The following MED26 variants were observed in gnomAD, a reference collection of about 807,000 sequenced individuals.
MED26 encodes mediator complex subunit 26.
In MED26, 7 loss-of-function variants were observed where a neutral mutation model predicts 43.7. The observed-to-expected ratio is 0.16, with a 90% confidence interval of 0.09 to 0.30. MED26 has a LOEUF of 0.30. Ranked by LOEUF, MED26 falls within the 10% of genes least tolerant of loss-of-function variation. MED26 has a pLI of 1.00. For missense variants in MED26, 784 were observed against 840.6 expected (o/e 0.93, Z 0.83); for synonymous variants, 375 against 371.1 (o/e 1.01, Z -0.12).
At position 16,577,636 on chromosome 19, in the gene MED26, T is replaced by C; in HGVS notation, c.194A>G (p.Lys65Arg). 1.3e-6 allele frequency: 2 copies of C among 1,589,180 alleles called. No individual in the cohort carries two copies. The highest frequency in any genetic ancestry group is 1.7e-6 in the Non-Finnish European group (2 of 1,164,776). The stretch of plus-strand genomic sequence containing the variant: ...GGCCCGCTTGGCGAGCTCCTCGTTC[T>C]TGGTTTTCTTGCGGACGTCGTTGAT... ...KLINDVRKKT[K>R]NEELAKRAKK... Residue 65 changes from lysine to arginine, a missense_variant, in exon 3 of 3, where the codon AAG (lysine) becomes AGG (arginine). By Grantham distance (26) the Lys-to-Arg change is conservative. Transcript: ENST00000263390. This position sits in a 1 kb window ranked among gnomAD's most constrained non-coding sequence, Gnocchi z 8.1.
chr19:16,624,592 G>A (rs966055380), intron 1 of MED26: 3 of 152,208 alleles, frequency 2.0e-5, no homozygotes, highest in Admixed American at 6.5e-5. Flanking sequence ...TCTACTATTC[G>A]TCGGACCTTT....
Position 16,576,301 on chromosome 19 carries a change from A to T in MED26, c.1529T>A (p.Phe510Tyr), listed in dbSNP as rs1260241624. 1.9e-6 allele frequency: 3 copies of T among 1,612,632 alleles called. No homozygotes were observed. The Admixed American group carries it at 5.0e-5, about 27-fold the overall frequency. Residue 510 changes from phenylalanine (F) to tyrosine (Y), a missense_variant, in exon 3 of 3, where the codon TTC (phenylalanine) becomes TAC (tyrosine). Physicochemically the swap from Phe to Tyr is conservative, Grantham distance 22. Transcript: ENST00000263390. This position sits in a 1 kb window ranked among gnomAD's most constrained non-coding sequence, Gnocchi z 6.8. ...CTCCTGCTTCAGGTACTCAGACATGAAGTGGTGAGCCCCTGGGGTCTGCGC... is the reference window on the plus strand; with the variant it reads ...CTCCTGCTTCAGGTACTCAGACATGTAGTGGTGAGCCCCTGGGGTCTGCGC... ...SGAQTPGAHH[F>Y]MSEYLKQEES...
At chr19:16,583,006 T>A (rs79227300) in intron 1 of MED26, among the ~76,000 whole-genome samples, 7,920 of 152,302 alleles carry the variant, frequency 0.052, 286 homozygotes, top group Non-Finnish European at 0.063. Context: ...TGGGATGCCC[T>A]TGGCACCTGT....
chr19:16,616,284 C>T (rs1439502148), intron 1 of MED26, among the ~76,000 whole-genome samples: 1 of 152,228 alleles, frequency 6.6e-6, no homozygotes, highest in Non-Finnish European at 1.5e-5. Flanking sequence ...GCAAACCTAA[C>T]CTTGTCGAAG....
At position 16,577,882 on chromosome 19, in the gene MED26, C is replaced by A. The variant is rs1016304107; in HGVS notation, c.148-200G>T. ...TAAATTCTCAAACCTAGTTCCCAGA[C>A]CTTCAGGGTCCCAGGTGGCTTCTCA... is the stretch of plus-strand genomic sequence containing the variant. On this transcript the variant is annotated intron_variant, in intron 2 of 2. Coordinates refer to ENST00000263390, the MANE Select transcript of MED26 (RefSeq NM_004831.5). This position sits in a 1 kb window ranked among gnomAD's most constrained non-coding sequence, Gnocchi z 8.1. The A allele has an allele frequency of 9.5e-6, 5 of 524,884 alleles. No homozygotes were observed. The highest frequency in any genetic ancestry group is 2.0e-5 in the African/African-American group (1 of 50,738). The allele number at this position is 524,884 out of a possible 1,614,324, so 32.5% of individuals were successfully genotyped here.
chr19:16,619,513 T>C (rs2086241899), intron 1 of MED26, among the ~76,000 whole-genome samples: 1 of 152,198 alleles, frequency 6.6e-6, no homozygotes, highest in Non-Finnish European at 1.5e-5. Context: ...TTAAACCCAG[T>C]GTGTGCAGGG....
At position 16,576,186 on chromosome 19, in the gene MED26, T is replaced by C. The variant is rs2085997387; in HGVS notation, c.1644A>G (p.Thr548=). 1 of 1,613,214 alleles carries C rather than the reference T, an allele frequency of 6.2e-7. No homozygotes were observed. Among genetic ancestry groups the C allele is most frequent in the Non-Finnish European group, 8.5e-7 (1 of 1,180,006 alleles). ...TDLPGLTREV[T]QDDLDRIQAS... ...CCTGGATTCTGTCGAGATCGTCCTG[T>C]GTGACCTCCCGGGTCAGACCAGGGA... The change falls in exon 3 of 3, where the codon ACA becomes ACG. Residue 548 remains threonine, a synonymous_variant. Coordinates refer to ENST00000263390, the MANE Select transcript of MED26 (RefSeq NM_004831.5). The surrounding 1 kb of genome is among the most constrained non-coding windows in gnomAD (Gnocchi z 6.8).
rs887972761 is a variant in MED26 at position 16,577,003 on chromosome 19, C to G, written c.827G>C (p.Arg276Pro). 1 of 1,607,828 alleles carries G rather than the reference C, an allele frequency of 6.2e-7. No homozygotes were observed. Among genetic ancestry groups the G allele is most frequent in the South Asian group, 1.1e-5 (1 of 90,624 alleles). The change falls in exon 3 of 3, where the codon CGG becomes CCG. Residue 276 changes from arginine to proline, a missense_variant. Physicochemically the swap from Arg to Pro is moderately radical, Grantham distance 103 (BLOSUM62 -2). Around this residue, in one of 3 missense-constraint regions of MED26, gnomAD observed 719 missense variants for 730.9 expected, o/e 0.98. Transcript: ENST00000263390. The surrounding 1 kb of genome is among the most constrained non-coding windows in gnomAD (Gnocchi z 8.1). ...KGPPRCSFSPRNSRHEGSFAR... is the reference protein window; with the variant it reads ...KGPPRCSFSPPNSRHEGSFAR... ...AAAGGAGCCCTCATGCCGTGAGTTC[C>G]GAGGACTGAAAGAGCAGCGAGGGGG...
rs1360466147 is a variant in MED26 at position 16,627,984 on chromosome 19, GGGCGGGCTGA to G, written c.-51_-42del. The G allele has an allele frequency of 1.5e-6, 2 of 1,367,238 alleles. No homozygotes were observed. The highest frequency in any genetic ancestry group is 2.6e-5 in the Admixed American group (1 of 39,146). 84.7% of individuals were successfully genotyped at this position (1,367,238 alleles called of 1,614,324 possible). On this transcript the variant is annotated 5_prime_UTR_variant, in exon 1 of 3. Transcript: ENST00000263390. ...GGGGGTTGCGGCCGGGCCAGCGGGC[GGGCGGGCTGA>G]GGCGGGGGACGGGGGTCACTCACTC... is the stretch of plus-strand genomic sequence containing the variant.
chr19:16,591,073 A>G (rs1233187143), intron 1 of MED26, among the ~76,000 whole-genome samples: 1 of 150,692 alleles, frequency 6.6e-6, no homozygotes, highest in Non-Finnish European at 1.5e-5. Flanking sequence ...ATAAATAAAT[A>G]AATAAATAAA....
chr19:16,576,273 C>T lies in MED26; in HGVS notation c.1557G>A (p.Glu519=), dbSNP rs1306482206. The T allele has an allele frequency of 9.9e-6, 16 of 1,611,504 alleles. No homozygotes were observed. The highest frequency in any genetic ancestry group is 1.3e-5 in the Non-Finnish European group (15 of 1,180,018). ...GCTGCCTGGCCCCTTGCCGGGTGCTCTCCTCCTGCTTCAGGTACTCAGACA... is the reference window on the plus strand; with the variant it reads ...GCTGCCTGGCCCCTTGCCGGGTGCTTTCCTCCTGCTTCAGGTACTCAGACA... ...HFMSEYLKQE[E]STRQGARQLH... Residue 519 remains glutamate (E), a synonymous_variant, in exon 3 of 3, where the codon GAG becomes GAA. Transcript: ENST00000263390. The surrounding 1 kb of genome is among the most constrained non-coding windows in gnomAD (Gnocchi z 6.8).
chr19:16,627,961 G>A lies in MED26; in HGVS notation c.-18C>T. 1.4e-6 allele frequency: 2 copies of A among 1,445,154 alleles called. No individual in the cohort carries two copies. The highest frequency in any genetic ancestry group is 1.8e-6 in the Non-Finnish European group (2 of 1,096,036). 89.5% of individuals were successfully genotyped at this position (1,445,154 alleles called of 1,614,324 possible). A position where few individuals can be genotyped will look rare whatever the true frequency, so the allele number is the denominator to read the frequency against. ...GCTGTCATTGCCTGGGCGAGGCGGGGGGTTGCGGCCGGGCCAGCGGGCGGG... is the reference window on the plus strand; with the variant it reads ...GCTGTCATTGCCTGGGCGAGGCGGGAGGTTGCGGCCGGGCCAGCGGGCGGG... On this transcript the variant is annotated 5_prime_UTR_variant, in exon 1 of 3. Transcript: ENST00000263390.
intron 1 of MED26, among the ~76,000 whole-genome samples, chr19:16,583,308 C>T (rs534269498): frequency 2.0e-5 from 3 of 152,244 alleles, no homozygotes; most frequent in African/African-American, 7.2e-5. Context: ...GCAGGAATCC[C>T]GTCAGGAACT....
intron 1 of MED26, among the ~76,000 whole-genome samples, chr19:16,605,921 A>C (rs1474129367): frequency 1.3e-5 from 2 of 152,228 alleles, no homozygotes; most frequent in East Asian, 3.8e-4. Context: ...GGTTACAAAG[A>C]GCCAAAGCTC....
intron 1 of MED26, among the ~76,000 whole-genome samples, chr19:16,608,793 G>T (rs1286090930): frequency 2.0e-5 from 3 of 152,152 alleles, no homozygotes; most frequent in Admixed American, 2.0e-4. Context: ...GGCCTGCAAA[G>T]ATGAAAATAT....
chr19:16,616,847 G>A (rs2086228372), intron 1 of MED26, among the ~76,000 whole-genome samples: 1 of 152,130 alleles, frequency 6.6e-6, no homozygotes, highest in Non-Finnish European at 1.5e-5. Context: ...AGGGGCAAGG[G>A]AACCAGGTAG....
At chr19:16,607,852 T>C (rs146119563) in intron 1 of MED26, among the ~76,000 whole-genome samples, 3 of 152,288 alleles carry the variant, frequency 2.0e-5, no homozygotes, top group Non-Finnish European at 4.4e-5. Context: ...CTAGAGCAAG[T>C]TGCATGATAC....
rs778819363 is a variant in MED26 at position 16,577,300 on chromosome 19, G to A, written c.530C>T (p.Ser177Leu). The stretch of plus-strand genomic sequence containing the variant: ...GATCCCGTTGGTGGGGAGGGGGGAT[G>A]AGTTGGGGACCAGGGGGTCGTGGCT... ...KASHDPLVPNSSPLPTNGISG... is the reference protein window; with the variant it reads ...KASHDPLVPNLSPLPTNGISG... Residue 177 changes from serine (S) to leucine (L), a missense_variant, in exon 3 of 3, where the codon TCA (serine) becomes TTA (leucine). Physicochemically the swap from Ser to Leu is moderately radical, Grantham distance 145 (BLOSUM62 -2). Around this residue, in one of 3 missense-constraint regions of MED26, gnomAD observed 719 missense variants for 730.9 expected, o/e 0.98. Coordinates refer to ENST00000263390, the MANE Select transcript of MED26 (RefSeq NM_004831.5). The surrounding 1 kb of genome is among the most constrained non-coding windows in gnomAD (Gnocchi z 8.1). 6.2e-7 allele frequency: 1 copy of A among 1,611,804 alleles called. No individual in the cohort carries two copies. Among genetic ancestry groups the A allele is most frequent in the Non-Finnish European group, 8.5e-7 (1 of 1,178,782 alleles).
In MED26 at chr19:16,575,584, A is replaced by G. The variant is rs1309788977; in HGVS notation, c.*443T>C. 1 of 167,286 alleles carries G rather than the reference A, an allele frequency of 6.0e-6. No homozygotes were observed. The highest frequency in any genetic ancestry group is 1.3e-5 in the Non-Finnish European group (1 of 76,232). The allele number at this position is 167,286 out of a possible 1,614,324, so 10.4% of individuals were successfully genotyped here. On this transcript the variant is annotated 3_prime_UTR_variant, in exon 3 of 3. Coordinates refer to ENST00000263390, the MANE Select transcript of MED26 (RefSeq NM_004831.5). ...TCTCAAGACACTCAGGGCCAAATTAAAGAACAGAAAATGCAAGAGAGATGA... is the reference window on the plus strand; with the variant it reads ...TCTCAAGACACTCAGGGCCAAATTAGAGAACAGAAAATGCAAGAGAGATGA...
Sources: allele counts gnomAD v4.1 joint callset (sites outside exome capture counted in the v4.1 genomes callset), GRCh38; gene constraint gnomAD v4.1.1; regional missense constraint gnomAD v4.1.1; non-coding constraint Gnocchi (gnomAD v3.1); transcripts MANE v1.5; gene names NCBI Gene and HGNC (gene_info 2026-07-23, HGNC 2026-07-21).